The following CAMKMT variants were observed in gnomAD, a reference collection of about 807,000 sequenced individuals.
The protein encoded by CAMKMT is calmodulin-lysine N-methyltransferase, also known as CaM KMT.
In CAMKMT, 53 loss-of-function variants were observed where a neutral mutation model predicts 48.0. The observed-to-expected ratio is 1.10, with a 90% confidence interval of 0.89 to 1.39. The LOEUF (loss-of-function observed/expected upper bound fraction) is 1.39, where lower values mean the gene tolerates loss of function less well. Among genes scored for constraint, CAMKMT ranks in the 40% most tolerant of loss-of-function variants. CAMKMT has a pLI of 0.00. For synonymous variants in CAMKMT, 165 were observed against 152.3 expected (o/e 1.08, Z -0.61); for missense variants, 428 against 402.7 (o/e 1.06, Z -0.54).
intron 3 of CAMKMT, among the ~76,000 whole-genome samples, chr2:44,581,825 C>A (rs1159921453): frequency 6.6e-6 from 1 of 152,138 alleles, no homozygotes; most frequent in Non-Finnish European, 1.5e-5. Flanking sequence ...ATGGTGAAAC[C>A]CCATCTCTAC....
At chr2:44,577,483 G>T (rs766004614) in intron 3 of CAMKMT, among the ~76,000 whole-genome samples, 1 of 152,118 alleles carries the variant, frequency 6.6e-6, no homozygotes, top group Non-Finnish European at 1.5e-5. Context: ...GCCAGGTGTG[G>T]TAGTACATGC....
chr2:44,497,827 T>C (rs967934682), intron 3 of CAMKMT, among the ~76,000 whole-genome samples: 5 of 151,342 alleles, frequency 3.3e-5, no homozygotes, highest in African/African-American at 1.2e-4. Flanking sequence ...GATCCTGACA[T>C]AGCAAGCAAT....
chr2:44,655,702 A>C (rs997042923), intron 3 of CAMKMT, among the ~76,000 whole-genome samples: 1 of 152,206 alleles, frequency 6.6e-6, no homozygotes, highest in African/African-American at 2.4e-5. Flanking sequence ...ACGCGATAGG[A>C]TGTAAGAGCA....
At chr2:44,658,605 G>A (rs986055352) in intron 3 of CAMKMT, among the ~76,000 whole-genome samples, 1 of 152,154 alleles carries the variant, frequency 6.6e-6, no homozygotes. Flanking sequence ...TATACTTACA[G>A]CTGTATAACC....
At chr2:44,455,264 C>G (rs557359255) in intron 3 of CAMKMT, among the ~76,000 whole-genome samples, 7 of 151,126 alleles carry the variant, frequency 4.6e-5, no homozygotes, top group African/African-American at 1.7e-4. Flanking sequence ...TAGAAGGAGG[C>G]TTATCTCTGA....
At chr2:44,592,956 A>C (rs149936185) in intron 3 of CAMKMT, among the ~76,000 whole-genome samples, 2 of 152,300 alleles carry the variant, frequency 1.3e-5, no homozygotes, top group African/African-American at 4.8e-5. Context: ...CAAGCCTTCT[A>C]TGTCCTTACT....
intron 1 of CAMKMT, among the ~76,000 whole-genome samples, chr2:44,365,397 A>C (rs772891403): frequency 3.2e-4 from 48 of 152,198 alleles, no homozygotes; most frequent in Non-Finnish European, 6.6e-4. Flanking sequence ...TAAGTTGCCA[A>C]GATTTGAGTC....
intron 3 of CAMKMT, among the ~76,000 whole-genome samples, chr2:44,488,184 C>A (rs912329355): frequency 2.0e-5 from 3 of 152,022 alleles, no homozygotes; most frequent in African/African-American, 7.2e-5. Flanking sequence ...TGTAAGTTTG[C>A]CAGTATATAA....
chr2:44,644,058 C>T (rs1389739180), intron 3 of CAMKMT, among the ~76,000 whole-genome samples: 2 of 152,136 alleles, frequency 1.3e-5, no homozygotes, highest in African/African-American at 4.8e-5. Flanking sequence ...TAAATGTAGG[C>T]AGAGATGTTT....
intron 3 of CAMKMT, among the ~76,000 whole-genome samples, chr2:44,478,734 T>G (rs1205886125): frequency 1.4e-5 from 2 of 147,904 alleles, no homozygotes; most frequent in African/African-American, 2.5e-5. Context: ...GGCGTCTCGC[T>G]CTGTCGCCCA....
chr2:44,519,091 C>G (rs1670973120), intron 3 of CAMKMT, among the ~76,000 whole-genome samples: 1 of 152,190 alleles, frequency 6.6e-6, no homozygotes, highest in African/African-American at 2.4e-5. Context: ...TATTGAACCT[C>G]TAGGATAGAT....
intron 3 of CAMKMT, among the ~76,000 whole-genome samples, chr2:44,466,371 G>A (rs1029972120): frequency 1.3e-5 from 2 of 152,084 alleles, no homozygotes; most frequent in Admixed American, 1.3e-4. Flanking sequence ...AACATCAAAA[G>A]GGAAACTGGA....
Position 44,491,004 on chromosome 2 carries a change from T to C in CAMKMT, c.376+100699T>C, listed in dbSNP as rs201063156. 1.4e-4 allele frequency among the ~76,000 whole-genome samples: 21 copies of C among 151,938 alleles called. No individual in the cohort carries two copies. In the South Asian group the frequency reaches 1.5e-3, roughly 11 times the overall value. On this transcript the variant is annotated intron_variant, in intron 3 of 10. Transcript: ENST00000378494. ...GTCTCTACAAAAAATACAAAAAAAA[T>C]TAGCTGGGCATGGTGGCATGCCTGT...
At chr2:44,678,092 T>G (rs561782668) in intron 3 of CAMKMT, among the ~76,000 whole-genome samples, 2 of 152,066 alleles carry the variant, frequency 1.3e-5, no homozygotes, top group African/African-American at 4.8e-5. Context: ...CTAAACTAAC[T>G]GTGTTCCTTA....
At chr2:44,572,573 C>T (rs182053465) in intron 3 of CAMKMT, among the ~76,000 whole-genome samples, 11 of 152,190 alleles carry the variant, frequency 7.2e-5, no homozygotes, top group African/African-American at 2.2e-4. Context: ...TTGGCTGTTA[C>T]GAGTAATGCT....
chr2:44,412,935 G>A (rs919310504), intron 3 of CAMKMT, among the ~76,000 whole-genome samples: 1 of 151,644 alleles, frequency 6.6e-6, no homozygotes, highest in Non-Finnish European at 1.5e-5. Context: ...AATTAGCCAG[G>A]TGTGGTGGCG....
intron 3 of CAMKMT, among the ~76,000 whole-genome samples, chr2:44,430,867 A>C (rs1684608849): frequency 6.6e-6 from 1 of 152,208 alleles, no homozygotes; most frequent in South Asian, 2.1e-4. Flanking sequence ...GAGATTAGGA[A>C]AAGATAGGAA....
chr2:44,432,215 G>A (rs954066781), intron 3 of CAMKMT, among the ~76,000 whole-genome samples: 7 of 152,182 alleles, frequency 4.6e-5, no homozygotes, highest in Non-Finnish European at 1.0e-4. Context: ...GGAGAGAAAT[G>A]TTCCAGTGGT....
chr2:44,505,609 G>A (rs547303794), intron 3 of CAMKMT, among the ~76,000 whole-genome samples: 1 of 152,120 alleles, frequency 6.6e-6, no homozygotes, highest in Non-Finnish European at 1.5e-5. Flanking sequence ...CTGATGTCCA[G>A]TTGCTCTATT....
Sources: allele counts gnomAD v4.1 joint callset (sites outside exome capture counted in the v4.1 genomes callset), GRCh38; gene constraint gnomAD v4.1.1; transcripts MANE v1.5; gene names NCBI Gene and HGNC (gene_info 2026-07-23, HGNC 2026-07-21).